The following LARP1B variants were observed in gnomAD, a reference collection of about 807,000 sequenced individuals.
LARP1B encodes the protein La ribonucleoprotein 1B.
Under a neutral mutation model 114.2 loss-of-function variants are expected in LARP1B, and 76 were observed. That is an observed-to-expected ratio of 0.67 (90% CI 0.55 to 0.81). The LOEUF is 0.81. LARP1B is among the 30% of genes least tolerant of loss of function. LARP1B has a pLI of 0.00. For missense variants in LARP1B, 1,014 were observed against 1,075.8 expected (o/e 0.94, Z 0.80); for synonymous variants, 345 against 348.0 (o/e 0.99, Z 0.10).
At chr4:128,190,413 G>T (rs912014697) in intron 15 of LARP1B, among the ~76,000 whole-genome samples, 2 of 151,920 alleles carry the variant, frequency 1.3e-5, no homozygotes, top group South Asian at 2.1e-4. Context: ...ATTTGCCTTG[G>T]GATACTCTTA....
In LARP1B at chr4:128,206,524, A is replaced by G. The variant is rs1209854717; in HGVS notation, c.2406A>G (p.Lys802=). The change falls in exon 18 of 20, where the codon AAA becomes AAG. Residue 802 remains lysine, a synonymous_variant. Coordinates refer to ENST00000326639, the MANE Select transcript of LARP1B (RefSeq NM_018078.4). ...IFQDFQEETK[K]DYESGQLYGL... is the part of the protein sequence containing the mutation. ...AGGATTTCCAAGAAGAAACCAAAAA[A>G]GACTACGAATCTGGTAACAATAACA... 1 of 1,611,570 alleles carries G rather than the reference A, an allele frequency of 6.2e-7. No homozygotes were observed. The highest frequency in any genetic ancestry group is 2.2e-5 in the East Asian group (1 of 44,814).
At chr4:128,144,941 G>A (rs146478851) in intron 11 of LARP1B, among the ~76,000 whole-genome samples, 43 of 152,178 alleles carry the variant, frequency 2.8e-4, no homozygotes, top group Middle Eastern at 3.4e-3. Context: ...ACATTTGAGC[G>A]ATCTACTGAC....
At chr4:128,107,486 T>C in intron 9 of LARP1B, 173 bp downstream of exon 9, 2 of 1,429,272 alleles carry the variant, frequency 1.4e-6, no homozygotes. Context: ...AGTTACAAAT[T>C]AAATAAGGAT....
intron 11 of LARP1B, among the ~76,000 whole-genome samples, chr4:128,129,682 C>A (rs1790939243): frequency 6.6e-6 from 1 of 152,118 alleles, no homozygotes; most frequent in Non-Finnish European, 1.5e-5. Flanking sequence ...GAATAGACAA[C>A]TAAATCAATA....
rs185361073 is a variant in LARP1B, at chr4:128,122,715, A to C, written c.1524+527A>C. The C allele has an allele frequency of 4.9e-5, 63 of 1,292,822 alleles. 1 individual carries two copies. The African/African-American group carries it at 7.3e-4, about 15-fold the overall frequency. The allele number at this position is 1,292,822 out of a possible 1,614,324, so 80.1% of individuals were successfully genotyped here. A position where few individuals can be genotyped will look rare whatever the true frequency, so the allele number is the denominator to read the frequency against. On this transcript the variant is annotated intron_variant, in intron 11 of 19. Transcript: ENST00000326639. ...CTATAAATGACTAAACTGGATGATT[A>C]TCTCTCTTGGTCTAGTCATTACTGT... is the stretch of plus-strand genomic sequence containing the variant.
chr4:128,171,562 CTATTA>C (rs892890591), intron 12 of LARP1B, among the ~76,000 whole-genome samples: 7 of 152,158 alleles, frequency 4.6e-5, no homozygotes, highest in African/African-American at 1.7e-4. Context: ...GGAGAATAGT[CTATTA>C]TATTTATCTG....
chr4:128,210,486 A>G lies in LARP1B; in HGVS notation c.*433A>G, dbSNP rs1032303176. 1 of 990,314 alleles carries G rather than the reference A, an allele frequency of 1.0e-6. No homozygotes were observed. The highest frequency in any genetic ancestry group is 1.7e-5 in the African/African-American group (1 of 57,390). 61.3% of individuals were successfully genotyped at this position (990,314 alleles called of 1,614,324 possible). A position where few individuals can be genotyped will look rare whatever the true frequency, so the allele number is the denominator to read the frequency against. ...TTCTTAGAGCTTTCTTAAAGAATCC[A>G]CAATCCAATTACCCCACTGTCAATT... On this transcript the variant is annotated 3_prime_UTR_variant, in exon 20 of 20. Coordinates refer to ENST00000326639, the MANE Select transcript of LARP1B (RefSeq NM_018078.4).
intron 1 of LARP1B, among the ~76,000 whole-genome samples, chr4:128,064,029 T>C (rs958421807): frequency 7.2e-5 from 11 of 151,966 alleles, no homozygotes; most frequent in African/African-American, 2.4e-4. Context: ...CCCAGCACTT[T>C]GGGAGGCCGA....
chr4:128,073,850 G>A (rs534376949), intron 1 of LARP1B, among the ~76,000 whole-genome samples: 3 of 151,220 alleles, frequency 2.0e-5, no homozygotes, highest in South Asian at 4.2e-4. Flanking sequence ...TTGGCCTCCC[G>A]AAGTGCTGGG....
Position 128,206,482 on chromosome 4 carries a change from C to T in LARP1B, c.2364C>T (p.Phe788=). The T allele has an allele frequency of 3.1e-6, 5 of 1,612,944 alleles. No homozygotes were observed. Among genetic ancestry groups the T allele is most frequent in the Non-Finnish European group, 4.2e-6 (5 of 1,179,604 alleles). ...RFYSYGLEKK[F]RREIFQDFQE... ...ATAGTTATGGACTGGAAAAAAAATT[C>T]AGGCGAGAAATTTTTCAGGATTTCC... The change falls in exon 18 of 20, where the codon TTC becomes TTT. Residue 788 remains phenylalanine, a synonymous_variant. Transcript: ENST00000326639.
intron 1 of LARP1B, among the ~76,000 whole-genome samples, chr4:128,062,507 TTG>T (rs1056697756): frequency 2.6e-5 from 4 of 151,748 alleles, no homozygotes; most frequent in African/African-American, 4.8e-5. Flanking sequence ...GCGGTTGCGA[TTG>T]TGTTTTGTCC....
In LARP1B at chr4:128,209,107, A is replaced by G. The variant is rs1191193917; in HGVS notation, c.2548-749A>G. Among the ~76,000 whole-genome samples the G allele has an allele frequency of 2.0e-5, 3 of 152,148 alleles. No individual in the cohort carries two copies. The East Asian group carries it at 5.8e-4, about 29-fold the overall frequency. ...CCATCAGATAGCTCAGGCCCTAAAAAATGAGAGAAGCTTAGTAAACATGTG... is the reference window on the plus strand; with the variant it reads ...CCATCAGATAGCTCAGGCCCTAAAAGATGAGAGAAGCTTAGTAAACATGTG... On this transcript the variant is annotated intron_variant, in intron 19 of 19. Transcript: ENST00000326639.
At chr4:128,079,896 T>C (rs1280773405) in intron 4 of LARP1B, among the ~76,000 whole-genome samples, 2 of 152,062 alleles carry the variant, frequency 1.3e-5, no homozygotes, top group South Asian at 2.1e-4. Flanking sequence ...GTCACTTAAC[T>C]GTTCCCTGCT....
chr4:128,199,213 G>T (rs1221104131), intron 15 of LARP1B, among the ~76,000 whole-genome samples: 1 of 152,206 alleles, frequency 6.6e-6, no homozygotes, highest in East Asian at 1.9e-4. Flanking sequence ...GTGTTAGCTT[G>T]AGAGTTTATG....
chr4:128,122,185 A>G lies in LARP1B; in HGVS notation c.1521A>G (p.Ile507Met), dbSNP rs1378841409. 2.5e-6 allele frequency: 4 copies of G among 1,612,718 alleles called. No homozygotes were observed. The African/African-American group carries it at 4.0e-5, about 16-fold the overall frequency. Reference protein sequence around the residue: ...MEEDENKHTAIKQEVENFKKL... With the variant: ...MEEDENKHTAMKQEVENFKKL... ...AAGATGAAAACAAACACACAGCCAT[A>G]AAGGTAATTGTTTCTGGCCAACATC... The change falls in exon 11 of 20, where the codon ATA becomes ATG. Residue 507 changes from isoleucine (I) to methionine (M), a missense_variant. By Grantham distance (10) the Ile-to-Met change is conservative. Transcript: ENST00000326639.
intron 11 of LARP1B, among the ~76,000 whole-genome samples, chr4:128,141,115 A>G (rs1313042007): frequency 6.6e-6 from 1 of 151,898 alleles, no homozygotes; most frequent in African/African-American, 2.4e-5. Flanking sequence ...CACCTGGCCA[A>G]TTGTCTCTGC....
intron 11 of LARP1B, among the ~76,000 whole-genome samples, chr4:128,144,340 A>G (rs1415373635): frequency 6.6e-6 from 1 of 152,168 alleles, no homozygotes; most frequent in Non-Finnish European, 1.5e-5. Context: ...TTTGAGGTTA[A>G]CTGAAACTTT....
chr4:128,127,922 A>T (rs1307039688), intron 11 of LARP1B, among the ~76,000 whole-genome samples: 3 of 152,256 alleles, frequency 2.0e-5, no homozygotes, highest in Non-Finnish European at 4.4e-5. Flanking sequence ...TGGTGCTGTC[A>T]TAAGGATGAA....
chr4:128,065,250 TTAATTTC>T (rs1269683950), intron 1 of LARP1B, among the ~76,000 whole-genome samples: 1 of 91,018 alleles, frequency 1.1e-5, no homozygotes, highest in Non-Finnish European at 2.4e-5. Flanking sequence ...TCTCCCACAA[TTAATTTC>T]TTTCTTTCTT....
Sources: gnomAD v4.1 joint callset for allele counts (sites outside exome capture counted in the v4.1 genomes callset) on GRCh38, gnomAD v4.1.1 for gene constraint, MANE v1.5 for transcripts, NCBI Gene and HGNC (gene_info 2026-07-23, HGNC 2026-07-21) for gene names.